Variants in CCDC171 observed in about 807,000 individuals in gnomAD.
The protein encoded by CCDC171 is coiled-coil domain-containing protein 171.
In CCDC171, 177 loss-of-function variants were observed where a neutral mutation model predicts 168.2. The observed-to-expected ratio is 1.05, with a 90% CI of 0.93 to 1.19. The LOEUF is 1.19. CCDC171 is among the 50% of genes most tolerant of loss of function. CCDC171 has a pLI of 0.00. For synonymous variants in CCDC171, 687 were observed against 540.8 expected (o/e 1.27, Z -3.75); for missense variants, 1,991 against 1,539.0 (o/e 1.29, Z -4.91).
At chr9:15,967,645 G>C (rs547127161) in intron 25 of CCDC171, among the ~76,000 whole-genome samples, 4 of 152,214 alleles carry the variant, frequency 2.6e-5, no homozygotes, top group Admixed American at 2.0e-4. Context: ...TCATTTGGAT[G>C]GACTAATTTA....
At chr9:15,883,116 A>G (rs1276190844) in intron 24 of CCDC171, 1 of 396,594 alleles carries the variant, frequency 2.5e-6, no homozygotes, top group East Asian at 1.0e-4. Flanking sequence ...GCAGTCTCAA[A>G]TGCCAGGGCT....
chr9:15,983,882 G>T (rs1485896917), intron 3 of CCDC171, among the ~76,000 whole-genome samples: 1 of 147,384 alleles, frequency 6.8e-6, no homozygotes, highest in Non-Finnish European at 1.5e-5. Context: ...CAGCACTACT[G>T]TATCAATTTT....
intron 7 of CCDC171, among the ~76,000 whole-genome samples, chr9:15,642,264 T>C (rs1310849157): frequency 2.0e-5 from 3 of 148,362 alleles, no homozygotes; most frequent in Non-Finnish European, 4.5e-5. Context: ...ACCTGTAGTA[T>C]ATATATGAAC....
chr9:15,983,379 A>C (rs1421618572), intron 3 of CCDC171, among the ~76,000 whole-genome samples: 1 of 152,072 alleles, frequency 6.6e-6, no homozygotes, highest in African/African-American at 2.4e-5. Context: ...TTTTAAAAAA[A>C]CATATTTTAC....
chr9:15,805,950 T>C (rs1385323903), intron 21 of CCDC171, among the ~76,000 whole-genome samples: 1 of 152,174 alleles, frequency 6.6e-6, no homozygotes, highest in African/African-American at 2.4e-5. Context: ...CTTTATTGTG[T>C]GTATATATAT....
chr9:15,674,354 A>G (rs1052057120), intron 9 of CCDC171, among the ~76,000 whole-genome samples: 7 of 151,898 alleles, frequency 4.6e-5, no homozygotes, highest in Non-Finnish European at 7.4e-5. Flanking sequence ...TTGTGTCTCT[A>G]TCTCCTTCAG....
chr9:15,909,223 A>G (rs886151501), intron 24 of CCDC171, among the ~76,000 whole-genome samples: 1 of 152,192 alleles, frequency 6.6e-6, no homozygotes, highest in African/African-American at 2.4e-5. Context: ...GTTTATGCTG[A>G]GCTTCAAGCC....
chr9:15,606,714 G>T (rs1312899877), intron 6 of CCDC171, among the ~76,000 whole-genome samples: 1 of 152,090 alleles, frequency 6.6e-6, no homozygotes, highest in East Asian at 1.9e-4. Context: ...ATACTTTTTG[G>T]GCTACGTTTC....
intron 21 of CCDC171, among the ~76,000 whole-genome samples, chr9:15,798,453 A>C (rs2058663276): frequency 6.6e-6 from 1 of 151,860 alleles, no homozygotes; most frequent in Non-Finnish European, 1.5e-5. Context: ...TTTTACTTTA[A>C]GTTCTGGGAT....
At chr9:15,595,527 T>C (rs2042283698) in intron 6 of CCDC171, among the ~76,000 whole-genome samples, 3 of 152,244 alleles carry the variant, frequency 2.0e-5, no homozygotes, top group Admixed American at 2.0e-4. Flanking sequence ...ATGTGCTGCA[T>C]TTTCTTAATC....
At chr9:15,652,622 A>G (rs2047615762) in intron 7 of CCDC171, among the ~76,000 whole-genome samples, 1 of 151,722 alleles carries the variant, frequency 6.6e-6, no homozygotes, top group Admixed American at 6.6e-5. Flanking sequence ...TTTTGTTTTG[A>G]TAGAGACAGG....
At position 15,701,897 on chromosome 9, in the gene CCDC171, T is replaced by G. The variant is rs111643499; in HGVS notation, c.1318+6560T>G. Among the ~76,000 whole-genome samples the G allele has an allele frequency of 9.7e-3, 1,480 of 152,314 alleles. 6 individuals carry two copies. Among genetic ancestry groups the G allele is most frequent in the Non-Finnish European group, 0.016 (1,092 of 68,036 alleles). On this transcript the variant is annotated intron_variant, in intron 11 of 25. Coordinates refer to ENST00000380701, the MANE Select transcript of CCDC171 (RefSeq NM_173550.4). ...AATGGCACCTGGAATGGTGAATTCT[T>G]TGCAGAAGTTGTCAATATAATTTGC...
At chr9:15,676,609 C>T (rs981165430) in intron 9 of CCDC171, among the ~76,000 whole-genome samples, 1 of 151,994 alleles carries the variant, frequency 6.6e-6, no homozygotes, top group African/African-American at 2.4e-5. Context: ...CCTTGGAATT[C>T]CCTCTAATTC....
chr9:15,585,490 T>G (rs1472922899), intron 4 of CCDC171, among the ~76,000 whole-genome samples: 1 of 152,142 alleles, frequency 6.6e-6, no homozygotes, highest in African/African-American at 2.4e-5. Context: ...CAAGAGGACA[T>G]CCTGTATGGT....
chr9:15,822,218 A>T (rs1438599038), intron 21 of CCDC171, among the ~76,000 whole-genome samples: 1 of 152,104 alleles, frequency 6.6e-6, no homozygotes, highest in Non-Finnish European at 1.5e-5. Context: ...CAGACCTAAA[A>T]CCATAAAAAC....
intron 7 of CCDC171, among the ~76,000 whole-genome samples, chr9:15,648,058 T>G (rs955979258): frequency 2.0e-5 from 3 of 152,148 alleles, no homozygotes; most frequent in Non-Finnish European, 4.4e-5. Flanking sequence ...CATGATCAAG[T>G]GGGCTTCATC....
intron 21 of CCDC171, among the ~76,000 whole-genome samples, chr9:15,787,503 A>T (rs374704891): frequency 6.7e-6 from 1 of 149,712 alleles, no homozygotes. Context: ...TCCTTCTCTC[A>T]CTCCTTTCCC....
chr9:15,585,799 G>C (rs896076944), intron 4 of CCDC171, among the ~76,000 whole-genome samples: 5 of 152,004 alleles, frequency 3.3e-5, no homozygotes, highest in African/African-American at 1.2e-4. Flanking sequence ...CCAACATAGT[G>C]AAACCCCATC....
chr9:15,692,063 A>G (rs2050840528), intron 10 of CCDC171, among the ~76,000 whole-genome samples: 1 of 152,240 alleles, frequency 6.6e-6, no homozygotes, highest in African/African-American at 2.4e-5. Flanking sequence ...AACAACTTGC[A>G]TGTATATCTG....
Sources: allele counts gnomAD v4.1 joint callset (sites outside exome capture counted in the v4.1 genomes callset), GRCh38; gene constraint gnomAD v4.1.1; transcripts MANE v1.5; gene names NCBI Gene and HGNC (gene_info 2026-07-23, HGNC 2026-07-21).